The following FAM107B variants were observed in gnomAD, a reference collection of about 807,000 sequenced individuals.
FAM107B encodes the protein family with sequence similarity 107 member B.
FAM107B carries 21 observed loss-of-function variants against 31.5 expected under a neutral mutation model. That is an observed-to-expected ratio of 0.67 (90% CI 0.47 to 0.96). The LOEUF is 0.96. FAM107B is among the 40% of genes least tolerant of loss of function. The pLI is 0.00. For synonymous variants in FAM107B, 157 were observed against 141.5 expected, an observed-to-expected ratio of 1.11 and a Z score of -0.78; for missense variants, 452 against 377.1, an observed-to-expected ratio of 1.20 and a Z score of -1.64.
chr10:14,694,047 G>A (rs1179812578), intron 1 of FAM107B, among the ~76,000 whole-genome samples: 2 of 152,124 alleles, frequency 1.3e-5, no homozygotes, highest in Non-Finnish European at 2.9e-5. Flanking sequence ...TAAAGGGCTG[G>A]ACCTTCTTTT....
intron 2 of FAM107B, among the ~76,000 whole-genome samples, chr10:14,624,909 T>G (rs1004534118): frequency 3.9e-5 from 6 of 152,138 alleles, no homozygotes; most frequent in African/African-American, 1.4e-4. Context: ...TCTAGGTGGA[T>G]GACAATAGTT....
At position 14,774,452 on chromosome 10, in the gene FAM107B, C is replaced by G. The variant is rs760176736; in HGVS notation, c.212G>C (p.Gly71Ala). 2.6e-5 allele frequency: 42 copies of G among 1,614,076 alleles called. No individual in the cohort carries two copies. Among genetic ancestry groups the G allele is most frequent in the Admixed American group, 6.7e-5 (4 of 60,004 alleles). Reference sequence around the variant, plus strand: ...CGAATCTTGCCTTTTCTCTGGAGCTCCTTCTGCGCTTGGGTGTCTTGGCTG... The same window carrying G: ...CGAATCTTGCCTTTTCTCTGGAGCTGCTTCTGCGCTTGGGTGTCTTGGCTG... Reference protein sequence around the residue: ...GRQPRHPSAEGAPEKRQDSST... With the variant: ...GRQPRHPSAEAAPEKRQDSST... Residue 71 changes from glycine to alanine, a missense_variant, in exon 1 of 5, where the codon GGA (glycine) becomes GCA (alanine). By Grantham distance (60) the Gly-to-Ala change is moderately conservative. Coordinates refer to ENST00000181796, the MANE Select transcript of FAM107B (RefSeq NM_031453.4).
At chr10:14,716,723 T>C (rs1855786836) in intron 1 of FAM107B, among the ~76,000 whole-genome samples, 1 of 152,194 alleles carries the variant, frequency 6.6e-6, no homozygotes, top group African/African-American at 2.4e-5. Flanking sequence ...CATCATTTAA[T>C]CTCTCGGTTT....
At chr10:14,675,255 A>G (rs1271899408) in intron 1 of FAM107B, among the ~76,000 whole-genome samples, 3 of 152,096 alleles carry the variant, frequency 2.0e-5, no homozygotes, top group African/African-American at 4.8e-5. Context: ...TCCTTTCCCA[A>G]TTTTATGGCA....
intron 1 of FAM107B, among the ~76,000 whole-genome samples, chr10:14,716,403 T>C (rs1855780725): frequency 6.6e-6 from 1 of 152,214 alleles, no homozygotes; most frequent in African/African-American, 2.4e-5. Context: ...TGCCTTGCCA[T>C]GTGGGCCTCT....
intron 2 of FAM107B, among the ~76,000 whole-genome samples, chr10:14,627,880 G>A (rs368482650): frequency 1.1e-4 from 16 of 152,166 alleles, no homozygotes; most frequent in East Asian, 9.7e-4. Flanking sequence ...TTGGAAGGAA[G>A]GTCACAGGAC....
intron 2 of FAM107B, among the ~76,000 whole-genome samples, chr10:14,537,147 C>G (rs1418484914): frequency 6.6e-6 from 1 of 152,108 alleles, no homozygotes; most frequent in African/African-American, 2.4e-5. Context: ...CCTGGAATGG[C>G]AGGTCCGCTT....
chr10:14,684,429 G>A (rs1391663940), intron 1 of FAM107B, among the ~76,000 whole-genome samples: 1 of 152,116 alleles, frequency 6.6e-6, no homozygotes, highest in African/African-American at 2.4e-5. Context: ...TCCAGCCTGG[G>A]TGACACAGCA....
chr10:14,610,988 CTA>C (rs1188795610), intron 2 of FAM107B, among the ~76,000 whole-genome samples: 1 of 152,182 alleles, frequency 6.6e-6, no homozygotes, highest in Non-Finnish European at 1.5e-5. Flanking sequence ...CAAAGGGACT[CTA>C]TGAAATGGTG....
intron 1 of FAM107B, among the ~76,000 whole-genome samples, chr10:14,707,866 C>G (rs999805048): frequency 1.4e-4 from 21 of 152,026 alleles, no homozygotes; most frequent in Non-Finnish European, 2.9e-4. Context: ...TCAATGAATC[C>G]CAGCTTGTGA....
At chr10:14,545,175 G>A (rs1297662014) in intron 2 of FAM107B, among the ~76,000 whole-genome samples, 1 of 152,064 alleles carries the variant, frequency 6.6e-6, no homozygotes, top group Non-Finnish European at 1.5e-5. Flanking sequence ...AATCTACAAG[G>A]CTAATTAAAT....
intron 2 of FAM107B, among the ~76,000 whole-genome samples, chr10:14,616,584 C>G (rs17155587): frequency 0.063 from 9,604 of 152,184 alleles, 392 homozygotes; most frequent in East Asian, 0.18. Context: ...TTGGAGAACA[C>G]AAAACTTTAC....
chr10:14,613,609 C>CAAATCTACATT (rs1852779558), intron 2 of FAM107B, among the ~76,000 whole-genome samples: 1 of 152,134 alleles, frequency 6.6e-6, no homozygotes, highest in African/African-American at 2.4e-5. Context: ...TCATTTCTCT[C>CAAATCTACATT]AAATCTACAT....
chr10:14,627,490 G>A (rs1853195239), intron 2 of FAM107B, among the ~76,000 whole-genome samples: 1 of 152,214 alleles, frequency 6.6e-6, no homozygotes, highest in African/African-American at 2.4e-5. Context: ...ATACAGAGGT[G>A]AGGCTGGGTG....
intron 1 of FAM107B, among the ~76,000 whole-genome samples, chr10:14,720,739 C>T (rs28446141): frequency 0.018 from 2,783 of 152,230 alleles, 102 homozygotes; most frequent in African/African-American, 0.064. Context: ...TTTGAAGAAC[C>T]AAAGTAATCC....
intron 2 of FAM107B, among the ~76,000 whole-genome samples, chr10:14,589,679 T>C (rs1248852613): frequency 2.6e-5 from 4 of 151,918 alleles, no homozygotes; most frequent in Non-Finnish European, 5.9e-5. Flanking sequence ...GGGAAAGCAT[T>C]AGGACAAATA....
chr10:14,641,517 C>G (rs1422871209), intron 2 of FAM107B, among the ~76,000 whole-genome samples: 1 of 152,206 alleles, frequency 6.6e-6, no homozygotes, highest in Non-Finnish European at 1.5e-5. Context: ...AAGTACAAGA[C>G]CTCAGTGCCA....
intron 2 of FAM107B, among the ~76,000 whole-genome samples, chr10:14,599,992 A>C (rs1334306927): frequency 6.6e-6 from 1 of 152,220 alleles, no homozygotes; most frequent in African/African-American, 2.4e-5. Context: ...TCAAGAGTTC[A>C]CCTGGTGTCA....
At chr10:14,706,791 G>C (rs2131531706) in intron 1 of FAM107B, among the ~76,000 whole-genome samples, 1 of 152,236 alleles carries the variant, frequency 6.6e-6, no homozygotes, top group East Asian at 1.9e-4. Context: ...CTACTCTTCA[G>C]CCATCGTGGT....
Sources: allele counts gnomAD v4.1 joint callset (sites outside exome capture counted in the v4.1 genomes callset), GRCh38; gene constraint gnomAD v4.1.1; transcripts MANE v1.5; gene names NCBI Gene and HGNC (gene_info 2026-07-23, HGNC 2026-07-21).